Variants in CALD1 observed in about 807,000 individuals in gnomAD.
CALD1 encodes the protein caldesmon 1, also known as caldesmon.
In CALD1, 33 loss-of-function variants were observed where a neutral mutation model predicts 99.9. That is an observed-to-expected ratio of 0.33 (90% CI 0.25 to 0.44). CALD1 has a LOEUF of 0.44. CALD1 is among the 20% of genes least tolerant of loss of function. CALD1 has a pLI of 1.00. For missense variants in CALD1, 861 were observed against 962.1 expected, an observed-to-expected ratio of 0.89 and a Z score of 1.39; for synonymous variants, 310 against 325.0, an observed-to-expected ratio of 0.95 and a Z score of 0.50.
chr7:134,874,732 T>C (rs927944292), intron 3 of CALD1, among the ~76,000 whole-genome samples: 1 of 150,966 alleles, frequency 6.6e-6, no homozygotes, highest in African/African-American at 2.5e-5. Context: ...ACACTTGCTG[T>C]TGTCATCATT....
chr7:134,778,871 G>A (rs1183435847), upstream of CALD1, among the ~76,000 whole-genome samples: 1 of 152,208 alleles, frequency 6.6e-6, no homozygotes, highest in Admixed American at 6.5e-5. Flanking sequence ...ATAAGGAGAG[G>A]AAAGTGAAGC....
chr7:134,964,724 A>G (rs1808541108), intron 13 of CALD1, among the ~76,000 whole-genome samples: 1 of 152,164 alleles, frequency 6.6e-6, no homozygotes. Context: ...CAAACCCCAA[A>G]TTAATCATTT....
chr7:134,904,941 A>G (rs1803262120), intron 3 of CALD1, among the ~76,000 whole-genome samples: 1 of 152,134 alleles, frequency 6.6e-6, no homozygotes, highest in Admixed American at 6.5e-5. Context: ...GAGATAGAGA[A>G]AATAAGAGAT....
intron 1 of CALD1, among the ~76,000 whole-genome samples, chr7:134,765,949 CCTCTCT>C (rs753412182): frequency 1.3e-5 from 2 of 149,958 alleles, no homozygotes; most frequent in Non-Finnish European, 3.0e-5. Context: ...GTGTATGGCA[CCTCTCT>C]CTCTCTCTCT....
chr7:134,907,759 C>T (rs76309194), intron 3 of CALD1, among the ~76,000 whole-genome samples: 7 of 152,114 alleles, frequency 4.6e-5, no homozygotes, highest in Non-Finnish European at 7.3e-5. Context: ...AGTCCCCCCC[C>T]GCCTTTTCAT....
chr7:134,728,845 CTTTTTTTTTTTT>C, the CALD1 span, among the ~76,000 whole-genome samples: 2 of 124,228 alleles, frequency 1.6e-5, no homozygotes, highest in African/African-American at 2.9e-5. Flanking sequence ...TATACCTTTT[CTTTTTTTTTTTT>C]TTTTTTTTTT....
intron 1 of CALD1, among the ~76,000 whole-genome samples, chr7:134,841,291 G>T (rs1799637566): frequency 6.6e-6 from 1 of 151,994 alleles, no homozygotes; most frequent in Non-Finnish European, 1.5e-5. Flanking sequence ...CATACTCCTA[G>T]CTCCCATGTT....
At chr7:134,757,854 G>A (rs1177980196) in intron 1 of CALD1, among the ~76,000 whole-genome samples, 2 of 151,960 alleles carry the variant, frequency 1.3e-5, no homozygotes, top group African/African-American at 2.4e-5. Flanking sequence ...ACTCCAGCCT[G>A]GGCGACAAAG....
At chr7:134,788,423 A>G (rs1258669868) in intron 1 of CALD1, among the ~76,000 whole-genome samples, 1 of 152,174 alleles carries the variant, frequency 6.6e-6, no homozygotes, top group African/African-American at 2.4e-5. Context: ...CTCACCCAAG[A>G]ACTTGTTGCT....
In CALD1 at chr7:134,768,732, T is replaced by C. The variant is rs142856721; in HGVS notation, c.-130+24369T>C. Reference sequence around the variant, plus strand: ...AAGAATAACACAACAAACAGCTGTGTACATACTCTGCAGTGTTAACAGATG... The same window carrying C: ...AAGAATAACACAACAAACAGCTGTGCACATACTCTGCAGTGTTAACAGATG... On this transcript the variant is annotated intron_variant, in intron 1 of 13. Coordinates refer to the CALD1 transcript ENST00000417172. Among the ~76,000 whole-genome samples the C allele has an allele frequency of 2.0e-4, 31 of 152,338 alleles. No individual in the cohort carries two copies. In the East Asian group the frequency reaches 5.6e-3, roughly 27 times the overall value.
chr7:134,778,266 C>A (rs1359469853), upstream of CALD1, among the ~76,000 whole-genome samples: 1 of 152,170 alleles, frequency 6.6e-6, no homozygotes, highest in Admixed American at 6.5e-5. Context: ...ACCAACAGTG[C>A]GAACTGGCTA....
intron 2 of CALD1, among the ~76,000 whole-genome samples, chr7:134,859,999 T>A (rs1349915508): frequency 6.6e-6 from 1 of 151,970 alleles, no homozygotes; most frequent in Non-Finnish European, 1.5e-5. Flanking sequence ...TGCTAAGAGA[T>A]TGTGCGGGGA....
intron 3 of CALD1, chr7:134,927,918 GTAT>G (rs1805159933): frequency 6.8e-6 from 1 of 147,380 alleles, no homozygotes; most frequent in Admixed American, 6.8e-5. Flanking sequence ...TTAATAATAT[GTAT>G]TATTTAATAA....
chr7:134,949,278 C>G (rs1217181430), intron 8 of CALD1, among the ~76,000 whole-genome samples: 1 of 152,106 alleles, frequency 6.6e-6, no homozygotes, highest in African/African-American at 2.4e-5. Flanking sequence ...ACACAGGATC[C>G]TTCTGTGACA....
chr7:134,740,555 C>G (rs1796584169), upstream of CALD1, among the ~76,000 whole-genome samples: 1 of 152,208 alleles, frequency 6.6e-6, no homozygotes, highest in Admixed American at 6.5e-5. Flanking sequence ...GCTCCACAAA[C>G]TTACTGCATT....
intron 3 of CALD1, among the ~76,000 whole-genome samples, chr7:134,895,298 ATGTGTGTGTGTGTGTGTG>A (rs71172482): frequency 1.1e-4 from 15 of 138,714 alleles, no homozygotes; most frequent in Admixed American, 3.6e-4. Context: ...TTATATATGT[ATGTGTGTGTGTGTGTGTG>A]TGTGTGTGTG....
intron 11 of CALD1, among the ~76,000 whole-genome samples, chr7:134,958,720 A>G (rs1377621894): frequency 6.6e-6 from 1 of 151,926 alleles, no homozygotes; most frequent in Non-Finnish European, 1.5e-5. Context: ...AATATTAATG[A>G]TGCTTTATTA....
intron 3 of CALD1, among the ~76,000 whole-genome samples, chr7:134,904,753 G>A (rs1027672748): frequency 6.6e-6 from 1 of 151,986 alleles, no homozygotes. Flanking sequence ...TCCCTGCATC[G>A]AGCTCTGATC....
At chr7:134,937,279 T>C (rs1319203443) in intron 6 of CALD1, among the ~76,000 whole-genome samples, 1 of 152,200 alleles carries the variant, frequency 6.6e-6, no homozygotes, top group Non-Finnish European at 1.5e-5. Flanking sequence ...TTTTGTCTCT[T>C]TTCAGATAAG....
Sources: allele counts gnomAD v4.1 joint callset (sites outside exome capture counted in the v4.1 genomes callset), GRCh38; gene constraint gnomAD v4.1.1; transcripts MANE v1.5; gene names NCBI Gene and HGNC (gene_info 2026-07-23, HGNC 2026-07-21).